Variants in PTPRD observed in about 807,000 individuals in gnomAD.
PTPRD encodes the protein receptor-type tyrosine-protein phosphatase delta.
A neutral mutation model predicts 214.5 loss-of-function variants in PTPRD; 34 were observed. That is an observed-to-expected ratio of 0.16 (90% CI 0.12 to 0.21). The LOEUF is 0.21. Ranked by LOEUF, PTPRD falls within the 10% of genes least tolerant of loss-of-function variation. PTPRD has a pLI of 1.00. For synonymous variants in PTPRD, 1,128 were observed against 845.7 expected (o/e 1.33, Z -5.79); for missense variants, 2,545 against 2,398.7 (o/e 1.06, Z -1.27).
chr9:9,677,956 A>G (rs1378437231), intron 7 of PTPRD, among the ~76,000 whole-genome samples: 5 of 152,090 alleles, frequency 3.3e-5, no homozygotes, highest in African/African-American at 1.2e-4. Context: ...TCATGAGGGA[A>G]CTCCCATTCA....
At chr9:9,454,569 A>T (rs1392569923) in intron 8 of PTPRD, among the ~76,000 whole-genome samples, 1 of 151,810 alleles carries the variant, frequency 6.6e-6, no homozygotes, top group East Asian at 1.9e-4. Context: ...AATTTTCAAG[A>T]TAAGCATTTT....
At chr9:9,647,055 G>A (rs2096208595) in intron 7 of PTPRD, among the ~76,000 whole-genome samples, 1 of 152,016 alleles carries the variant, frequency 6.6e-6, no homozygotes, top group Admixed American at 6.6e-5. Flanking sequence ...TTGCCCATCT[G>A]TGCTTAATTC....
chr9:9,839,514 C>G (rs549828096), intron 5 of PTPRD, among the ~76,000 whole-genome samples: 1 of 151,962 alleles, frequency 6.6e-6, no homozygotes, highest in Non-Finnish European at 1.5e-5. Flanking sequence ...AGGACCTCTT[C>G]AAGGAGAACT....
chr9:9,403,016 G>C (rs557094487), intron 8 of PTPRD, among the ~76,000 whole-genome samples: 1 of 146,002 alleles, frequency 6.8e-6, no homozygotes, highest in Non-Finnish European at 1.5e-5. Flanking sequence ...GGTGCCAGGC[G>C]CGGTGTCTCC....
chr9:8,887,686 T>C (rs1012143986), intron 11 of PTPRD, among the ~76,000 whole-genome samples: 1 of 152,184 alleles, frequency 6.6e-6, no homozygotes, highest in Non-Finnish European at 1.5e-5. Flanking sequence ...AGATGAGATT[T>C]TTACTTCAAA....
chr9:10,593,462 T>C (rs1169316185), intron 2 of PTPRD, among the ~76,000 whole-genome samples: 3 of 152,102 alleles, frequency 2.0e-5, no homozygotes, highest in Non-Finnish European at 1.5e-5. Flanking sequence ...AATATTTGGA[T>C]GTTATTACAA....
chr9:9,008,090 A>G (rs545672934), intron 11 of PTPRD, among the ~76,000 whole-genome samples: 22 of 147,788 alleles, frequency 1.5e-4, no homozygotes, highest in Non-Finnish European at 1.0e-4. Flanking sequence ...GAAAGATGAC[A>G]AGATGGCGGC....
intron 4 of PTPRD, among the ~76,000 whole-genome samples, chr9:10,029,476 T>C (rs1378363818): frequency 6.6e-6 from 1 of 152,174 alleles, no homozygotes; most frequent in Non-Finnish European, 1.5e-5. Flanking sequence ...GGGGCAGCCA[T>C]GGGAACCCAT....
At chr9:10,053,785 G>C (rs528209412) in intron 3 of PTPRD, among the ~76,000 whole-genome samples, 11 of 152,090 alleles carry the variant, frequency 7.2e-5, no homozygotes, top group Non-Finnish European at 1.6e-4. Context: ...TTTGGCAACA[G>C]TCTCACTCTG....
chr9:8,577,158 TAG>T (rs1182661090), intron 14 of PTPRD, among the ~76,000 whole-genome samples: 2 of 152,194 alleles, frequency 1.3e-5, no homozygotes, highest in African/African-American at 4.8e-5. Flanking sequence ...TGAGCTAAAT[TAG>T]AGTTCTGTGA....
At chr9:9,063,346 A>G (rs2099711169) in intron 10 of PTPRD, among the ~76,000 whole-genome samples, 1 of 152,074 alleles carries the variant, frequency 6.6e-6, no homozygotes, top group East Asian at 1.9e-4. Context: ...AGTAAATAGC[A>G]GAATGATGAT....
At chr9:8,334,979 C>T (rs200439739) in intron 43 of PTPRD, among the ~76,000 whole-genome samples, 93 of 151,578 alleles carry the variant, frequency 6.1e-4, no homozygotes, top group African/African-American at 1.8e-3. Flanking sequence ...TGAATCTCTG[C>T]ATAGACCAAT....
intron 2 of PTPRD, among the ~76,000 whole-genome samples, chr9:10,571,596 AC>A (rs2067458264): frequency 6.6e-6 from 1 of 152,142 alleles, no homozygotes; most frequent in Non-Finnish European, 1.5e-5. Flanking sequence ...AGTGGTCATG[AC>A]CACCATCAAG....
rs558967507 is a variant in PTPRD at position 8,498,429 on chromosome 9, C to T, written c.2323-1161G>A. On this transcript the variant is annotated intron_variant, in intron 25 of 45. Transcript: ENST00000381196. ...TAGCTGGGACCACACAGGCGTGTGCCGCCACGCCTGGCTAATTTTTGTATT... is the reference window on the plus strand; with the variant it reads ...TAGCTGGGACCACACAGGCGTGTGCTGCCACGCCTGGCTAATTTTTGTATT... Among the ~76,000 whole-genome samples, 7 of 152,162 alleles carry T rather than the reference C, an allele frequency of 4.6e-5. No homozygotes were observed. The East Asian group carries it at 1.2e-3, about 25-fold the overall frequency.
Position 8,314,934 on chromosome 9 carries a change from A to C in PTPRD, c.*2940T>G, listed in dbSNP as rs1212193910. 4.3e-6 allele frequency: 1 copy of C among 232,430 alleles called. No individual in the cohort carries two copies. Among genetic ancestry groups the C allele is most frequent in the Non-Finnish European group, 8.5e-6 (1 of 117,304 alleles). 14.4% of individuals were successfully genotyped at this position (232,430 alleles called of 1,614,324 possible). A position where few individuals can be genotyped will look rare whatever the true frequency, so the allele number is the denominator to read the frequency against. ...TCCTCGCCGTTTTCTAACCATGCAAATCATTTTTAAAAAAGAGCTAAAATA... is the reference window on the plus strand; with the variant it reads ...TCCTCGCCGTTTTCTAACCATGCAACTCATTTTTAAAAAAGAGCTAAAATA... On this transcript the variant is annotated 3_prime_UTR_variant, in exon 46 of 46. Coordinates refer to ENST00000381196, the MANE Select transcript of PTPRD (RefSeq NM_002839.4).
intron 4 of PTPRD, among the ~76,000 whole-genome samples, chr9:9,962,013 T>G (rs1362747584): frequency 2.0e-5 from 3 of 152,076 alleles, no homozygotes; most frequent in Non-Finnish European, 4.4e-5. Context: ...GAAAATAACT[T>G]AGAATCAGGT....
intron 11 of PTPRD, among the ~76,000 whole-genome samples, chr9:8,832,043 T>C (rs751587383): frequency 1.3e-5 from 2 of 152,080 alleles, no homozygotes; most frequent in Non-Finnish European, 2.9e-5. Flanking sequence ...TGCAACCTTC[T>C]GAGAGCTATA....
intron 3 of PTPRD, among the ~76,000 whole-genome samples, chr9:10,067,091 A>G (rs970544579): frequency 6.6e-6 from 1 of 151,946 alleles, no homozygotes; most frequent in Admixed American, 6.6e-5. Context: ...ATTCTCTCCA[A>G]GTAAGTACTA....
At chr9:8,498,800 G>A (rs1221670380) in intron 25 of PTPRD, among the ~76,000 whole-genome samples, 1 of 152,044 alleles carries the variant, frequency 6.6e-6, no homozygotes, top group Non-Finnish European at 1.5e-5. Context: ...TCAGCATGGT[G>A]GTTACAAGAT....
Sources: gnomAD v4.1 joint callset for allele counts (sites outside exome capture counted in the v4.1 genomes callset) on GRCh38, gnomAD v4.1.1 for gene constraint, MANE v1.5 for transcripts, NCBI Gene and HGNC (gene_info 2026-07-23, HGNC 2026-07-21) for gene names.